The following DPP9 variants were observed in gnomAD, a reference collection of about 807,000 sequenced individuals.
The protein encoded by DPP9 is dipeptidyl peptidase 9.
DPP9 carries 50 observed loss-of-function variants against 110.7 expected under a neutral mutation model. The observed-to-expected ratio is 0.45, with a 90% CI of 0.36 to 0.57. The LOEUF (loss-of-function observed/expected upper bound fraction) is 0.57. Ranked by LOEUF, DPP9 falls within the 20% of genes least tolerant of loss-of-function variation. DPP9 has a pLI of 0.00. For missense variants in DPP9, 1,022 were observed against 1,217.9 expected, an observed-to-expected ratio of 0.84 and a Z score of 2.39; for synonymous variants, 561 against 514.4, an observed-to-expected ratio of 1.09 and a Z score of -1.23.
At chr19:4,705,717 C>A in intron 5 of DPP9, 141 bp downstream of exon 5, 1 of 724,564 alleles carries the variant, frequency 1.4e-6, no homozygotes, top group Non-Finnish European at 2.3e-6. Flanking sequence ...GGCTCACCCG[C>A]CAGAGTCCAC....
chr19:4,683,383 G>C (rs1017442051), intron 19 of DPP9, 94 bp downstream of exon 19: 1 of 1,557,046 alleles, frequency 6.4e-7, no homozygotes. Context: ...CCGGTAGGTG[G>C]GCTCCGGGTG....
Position 4,695,157 on chromosome 19 carries a change from G to T in DPP9, c.1353+221C>A. 1 of 579,726 alleles carries T rather than the reference G, an allele frequency of 1.7e-6. No homozygotes were observed. The highest frequency in any genetic ancestry group is 2.3e-5 in the South Asian group (1 of 43,638). 35.9% of individuals were successfully genotyped at this position (579,726 alleles called of 1,614,324 possible). A position where few individuals can be genotyped will look rare whatever the true frequency, so the allele number is the denominator to read the frequency against. ...CAGAGCAACCCTGTCTCTAATTAAA[G>T]AAAAAAATAGATGAGGGGAGAGGCT... is the stretch of plus-strand genomic sequence containing the variant. On this transcript the variant is annotated intron_variant, in intron 12 of 21. Coordinates refer to ENST00000262960, the MANE Select transcript of DPP9 (RefSeq NM_139159.5). The surrounding 1 kb of genome is among the most constrained non-coding windows in gnomAD (Gnocchi z 4.7).
chr19:4,719,223 G>A (rs1319710628), intron 3 of DPP9: 1 of 152,214 alleles, frequency 6.6e-6, no homozygotes, highest in Non-Finnish European at 1.5e-5. Flanking sequence ...AGCTACTTGG[G>A]AGGCTGAGGC....
Position 4,704,098 on chromosome 19 carries a change from C to T in DPP9, c.600+33G>A, listed in dbSNP as rs2092450173. On this transcript the variant is annotated intron_variant, in intron 6 of 21. Transcript: ENST00000262960. This position sits in a 1 kb window ranked among gnomAD's most constrained non-coding sequence, Gnocchi z 6.0. ...AGCTCAGGGGGAGGGGCCCTCCACG[C>T]CACCCCCGCACACAGCCAGGGCCAG... is the stretch of plus-strand genomic sequence containing the variant. The T allele has an allele frequency of 6.2e-7, 1 of 1,613,566 alleles. No homozygotes were observed.
At chr19:4,678,869 G>A (rs1472278226) in intron 21 of DPP9, among the ~76,000 whole-genome samples, 9 of 152,036 alleles carry the variant, frequency 5.9e-5, no homozygotes, top group Admixed American at 5.9e-4. Flanking sequence ...GTACAACTAT[G>A]GACCACGTCC....
chr19:4,721,173 C>G (rs2093307161), intron 2 of DPP9, among the ~76,000 whole-genome samples: 1 of 152,204 alleles, frequency 6.6e-6, no homozygotes, highest in African/African-American at 2.4e-5. Flanking sequence ...AGAACAGCCC[C>G]CCTCCCACTC....
At position 4,685,074 on chromosome 19, in the gene DPP9, A is replaced by G. The variant is rs2090491938; in HGVS notation, c.2032-265T>C. On this transcript the variant is annotated intron_variant, in intron 17 of 21. Coordinates refer to ENST00000262960, the MANE Select transcript of DPP9 (RefSeq NM_139159.5). The surrounding 1 kb of genome is among the most constrained non-coding windows in gnomAD (Gnocchi z 5.8). Reference sequence around the variant, plus strand: ...TGCCCCAGTCCTGCCTGGAACAACTACTCTGGCATGATGGACATTGGGGTG... The same window carrying G: ...TGCCCCAGTCCTGCCTGGAACAACTGCTCTGGCATGATGGACATTGGGGTG... The G allele has an allele frequency of 1.6e-6, 1 of 640,448 alleles. No homozygotes were observed. Among genetic ancestry groups the G allele is most frequent in the African/African-American group, 1.8e-5 (1 of 55,524 alleles). 39.7% of individuals were successfully genotyped at this position (640,448 alleles called of 1,614,324 possible).
chr19:4,708,023 T>C (rs2092672043), intron 4 of DPP9, among the ~76,000 whole-genome samples: 1 of 152,180 alleles, frequency 6.6e-6, no homozygotes, highest in Non-Finnish European at 1.5e-5. Context: ...TATTTCTTGT[T>C]ACAGGCAGCC....
At chr19:4,681,847 T>A (rs986028217) in intron 20 of DPP9, among the ~76,000 whole-genome samples, 2 of 145,974 alleles carry the variant, frequency 1.4e-5, no homozygotes, top group Non-Finnish European at 3.0e-5. Flanking sequence ...GCAGACTTTT[T>A]TTTTTTTTTT....
chr19:4,713,942 C>T (rs2092956599), intron 4 of DPP9, 139 bp downstream of exon 4: 3 of 1,338,510 alleles, frequency 2.2e-6, no homozygotes, highest in Non-Finnish European at 9.9e-7. Flanking sequence ...TGTGGCTGAG[C>T]CTCGAAGGAC....
In DPP9 at chr19:4,684,122, C is replaced by A; in HGVS notation, c.2179-493G>T. Reference sequence around the variant, plus strand: ...GCCTTCAAGCGACTGATCCATGGGGCCCACTCATGTGAATGGGATGAGGGG... The same window carrying A: ...GCCTTCAAGCGACTGATCCATGGGGACCACTCATGTGAATGGGATGAGGGG... On this transcript the variant is annotated intron_variant, in intron 18 of 21. Coordinates refer to ENST00000262960, the MANE Select transcript of DPP9 (RefSeq NM_139159.5). This position sits in a 1 kb window ranked among gnomAD's most constrained non-coding sequence, Gnocchi z 4.8. 1 of 305,918 alleles carries A rather than the reference C, an allele frequency of 3.3e-6. No homozygotes were observed. Among genetic ancestry groups the A allele is most frequent in the South Asian group, 3.0e-5 (1 of 33,690 alleles). The allele number at this position is 305,918 out of a possible 1,614,324, so 19.0% of individuals were successfully genotyped here. A position where few individuals can be genotyped will look rare whatever the true frequency, so the allele number is the denominator to read the frequency against.
intron 10 of DPP9, among the ~76,000 whole-genome samples, chr19:4,699,033 C>T (rs1262705003): frequency 1.3e-5 from 2 of 151,730 alleles, no homozygotes; most frequent in African/African-American, 4.8e-5. Context: ...GTGGTGGGTG[C>T]CTGTAGTCCC....
In DPP9 at chr19:4,719,863, C is replaced by A; in HGVS notation, c.44G>T (p.Gly15Val). 6.4e-7 allele frequency: 1 copy of A among 1,551,770 alleles called. No homozygotes were observed. The highest frequency in any genetic ancestry group is 1.4e-5 in the African/African-American group (1 of 73,174). ...AGGCCAACCTCACCTTCTCCAACTT[C>A]CGGTGTTCTCCTTGTCCAGGCGCAG... Reference protein sequence around the residue: ...KKLRLDKENTGSWRSFSLNSE... With the variant: ...KKLRLDKENTVSWRSFSLNSE... The change falls in exon 3 of 22, where the codon GGA (glycine) becomes GTA (valine). Residue 15 changes from glycine to valine, a missense_variant. By Grantham distance (109) the Gly-to-Val change is moderately radical. Around this residue, in one of 3 missense-constraint regions of DPP9, gnomAD observed 810 missense variants for 920.6 expected, o/e 0.88. Transcript: ENST00000262960.
chr19:4,711,739 C>T (rs1441863087), intron 4 of DPP9, among the ~76,000 whole-genome samples: 2 of 139,148 alleles, frequency 1.4e-5, no homozygotes, highest in Non-Finnish European at 3.0e-5. Flanking sequence ...CGCCATTGCA[C>T]TCCAGCCTGG....
chr19:4,715,723 G>C (rs1208459017), intron 3 of DPP9: 1 of 152,208 alleles, frequency 6.6e-6, no homozygotes, highest in Non-Finnish European at 1.5e-5. Flanking sequence ...GGAAGTTCCA[G>C]AGCCTCGGGA....
Position 4,695,682 on chromosome 19 carries a change from C to T in DPP9, c.1176-127G>A. 1.3e-6 allele frequency: 1 copy of T among 784,402 alleles called. No individual in the cohort carries two copies. Among genetic ancestry groups the T allele is most frequent in the Admixed American group, 3.7e-5 (1 of 26,894 alleles). 48.6% of individuals were successfully genotyped at this position (784,402 alleles called of 1,614,324 possible). A position where few individuals can be genotyped will look rare whatever the true frequency, so the allele number is the denominator to read the frequency against. ...GGCTGGGCTTCCTGCGCTGGCTTCA[C>T]CTGCACTTGGCCAAGTAACCCTGCA... On this transcript the variant is annotated intron_variant, in intron 11 of 21. Transcript: ENST00000262960. The surrounding 1 kb of genome is among the most constrained non-coding windows in gnomAD (Gnocchi z 4.7).
rs1423987417 is a variant in DPP9, at chr19:4,700,378, G to A, written c.1013-101C>T. The A allele has an allele frequency of 5.5e-6, 5 of 904,964 alleles. No individual in the cohort carries two copies. Among genetic ancestry groups the A allele is most frequent in the Non-Finnish European group, 8.1e-6 (5 of 616,414 alleles). The allele number at this position is 904,964 out of a possible 1,614,324, so 56.1% of individuals were successfully genotyped here. On this transcript the variant is annotated intron_variant, in intron 9 of 21. Transcript: ENST00000262960. This position sits in a 1 kb window ranked among gnomAD's most constrained non-coding sequence, Gnocchi z 4.3. ...GCTGTGGGGTGACGTCCACAGAGAG[G>A]TGTACAATTGGAGTGGGGGAGGCAG...
chr19:4,709,137 C>A (rs2092718047), intron 4 of DPP9, among the ~76,000 whole-genome samples: 1 of 152,154 alleles, frequency 6.6e-6, no homozygotes, highest in Non-Finnish European at 1.5e-5. Flanking sequence ...CCAGACTGGT[C>A]TTGAAATTCT....
chr19:4,685,272 T>A lies in DPP9; in HGVS notation c.2031+354A>T. 1.9e-6 allele frequency: 1 copy of A among 535,428 alleles called. No individual in the cohort carries two copies. Among genetic ancestry groups the A allele is most frequent in the East Asian group, 4.8e-5 (1 of 21,046 alleles). 33.2% of individuals were successfully genotyped at this position (535,428 alleles called of 1,614,324 possible). A position where few individuals can be genotyped will look rare whatever the true frequency, so the allele number is the denominator to read the frequency against. On this transcript the variant is annotated intron_variant, in intron 17 of 21. Transcript: ENST00000262960. This position sits in a 1 kb window ranked among gnomAD's most constrained non-coding sequence, Gnocchi z 5.8. Reference sequence around the variant, plus strand: ...GCGCCTAAGATGGTCCAACTGCCAATCTGCTGCCTGCTTTTGACCCCTGCT... The same window carrying A: ...GCGCCTAAGATGGTCCAACTGCCAAACTGCTGCCTGCTTTTGACCCCTGCT...
Sources: gnomAD v4.1 joint callset for allele counts (sites outside exome capture counted in the v4.1 genomes callset) on GRCh38, gnomAD v4.1.1 for gene constraint, gnomAD v4.1.1 regional missense constraint, Gnocchi (gnomAD v3.1) non-coding constraint, MANE v1.5 for transcripts, NCBI Gene and HGNC (gene_info 2026-07-23, HGNC 2026-07-21) for gene names.